The following PTK2 variants were observed in gnomAD, a reference collection of about 807,000 sequenced individuals.
PTK2 encodes the protein focal adhesion kinase 1.
In PTK2, 45 loss-of-function variants were observed where a neutral mutation model predicts 150.1. That is an observed-to-expected ratio of 0.30 (90% CI 0.24 to 0.38). PTK2 has a LOEUF of 0.38. Among genes scored for constraint, PTK2 ranks in the 10% least tolerant of loss-of-function variants. PTK2 has a pLI of 1.00. For synonymous variants in PTK2, 432 were observed against 449.2 expected, an observed-to-expected ratio of 0.96 and a Z score of 0.48; for missense variants, 919 against 1,307.3, an observed-to-expected ratio of 0.70 and a Z score of 4.58.
chr8:140,922,241 C>T (rs1412894905), intron 2 of PTK2, among the ~76,000 whole-genome samples: 1 of 152,074 alleles, frequency 6.6e-6, no homozygotes, highest in Non-Finnish European at 1.5e-5. Context: ...GGTTTACTTT[C>T]AGGCTCCTAA....
At chr8:140,978,314 G>C (rs1343654192) in intron 1 of PTK2, among the ~76,000 whole-genome samples, 6 of 146,758 alleles carry the variant, frequency 4.1e-5, no homozygotes, top group Admixed American at 1.4e-4. Flanking sequence ...TCATCAGAGT[G>C]AACAGGCAAC....
chr8:140,789,156 T>C (rs2100086806), intron 14 of PTK2, among the ~76,000 whole-genome samples: 1 of 152,164 alleles, frequency 6.6e-6, no homozygotes, highest in African/African-American at 2.4e-5. Flanking sequence ...TTCTACTGAA[T>C]TGCAAGATAA....
intron 14 of PTK2, among the ~76,000 whole-genome samples, chr8:140,788,681 C>T (rs1420241877): frequency 2.0e-5 from 3 of 151,894 alleles, no homozygotes; most frequent in Non-Finnish European, 4.4e-5. Flanking sequence ...GAGACTCTGT[C>T]TCAAAAAAAA....
chr8:140,873,700 A>C (rs28471038), intron 4 of PTK2, among the ~76,000 whole-genome samples: 1 of 152,094 alleles, frequency 6.6e-6, no homozygotes, highest in South Asian at 2.1e-4. Flanking sequence ...TCTTGACCTC[A>C]GGTGATTCGC....
At chr8:140,782,321 T>C (rs1322612925) in intron 14 of PTK2, among the ~76,000 whole-genome samples, 5 of 150,784 alleles carry the variant, frequency 3.3e-5, no homozygotes, top group Admixed American at 6.6e-5. Flanking sequence ...CTCAGCTCAC[T>C]GCAACCTCCA....
At chr8:140,916,485 C>A (rs574986736) in intron 2 of PTK2, among the ~76,000 whole-genome samples, 3 of 152,342 alleles carry the variant, frequency 2.0e-5, no homozygotes, top group African/African-American at 7.2e-5. Flanking sequence ...TCCCATATTT[C>A]CTTCAGGTCT....
At chr8:140,893,096 G>A (rs2100154766) in intron 2 of PTK2, among the ~76,000 whole-genome samples, 1 of 152,194 alleles carries the variant, frequency 6.6e-6, no homozygotes, top group South Asian at 2.1e-4. Flanking sequence ...GGGAGACTGA[G>A]GCAGGAGGAC....
chr8:140,701,407 T>C lies in PTK2; in HGVS notation c.2368-385A>G, dbSNP rs1327927525. Among the ~76,000 whole-genome samples the C allele has an allele frequency of 3.3e-5, 5 of 152,190 alleles. No individual in the cohort carries two copies. The East Asian group carries it at 7.7e-4, about 23-fold the overall frequency. On this transcript the variant is annotated intron_variant, in intron 25 of 31. Transcript: ENST00000522684. ...AAAGAACATAAATAGCAGACAACTATAGATGCTCTTTCATTCAAATAAGTA... is the reference window on the plus strand; with the variant it reads ...AAAGAACATAAATAGCAGACAACTACAGATGCTCTTTCATTCAAATAAGTA...
intron 1 of PTK2, among the ~76,000 whole-genome samples, chr8:141,000,125 A>ACACACACACACC: frequency 7.0e-6 from 1 of 141,894 alleles, no homozygotes; most frequent in South Asian, 2.2e-4. Flanking sequence ...ACACACACAC[A>ACACACACACACC]CCCCTTCTTC....
chr8:140,692,835 A>T (rs1489246727), intron 26 of PTK2, among the ~76,000 whole-genome samples: 3 of 152,214 alleles, frequency 2.0e-5, no homozygotes, highest in Non-Finnish European at 4.4e-5. Flanking sequence ...AAGCAGGGAC[A>T]GCAGCCTGGC....
chr8:140,764,489 T>C, intron 14 of PTK2, 199 bp from the exon 17 acceptor site: 1 of 556,388 alleles, frequency 1.8e-6, no homozygotes, highest in Non-Finnish European at 3.2e-6. Context: ...TACGTTATAA[T>C]ACACAGACTT....
At chr8:140,773,487 G>C (rs890471358) in intron 14 of PTK2, among the ~76,000 whole-genome samples, 1 of 152,198 alleles carries the variant, frequency 6.6e-6, no homozygotes, top group African/African-American at 2.4e-5. Context: ...ATTATGGAGG[G>C]AGTCATCTGC....
intron 1 of PTK2, among the ~76,000 whole-genome samples, chr8:140,950,669 G>A (rs945875536): frequency 5.3e-5 from 8 of 152,254 alleles, no homozygotes; most frequent in African/African-American, 1.4e-4. Flanking sequence ...ACCAGCCACC[G>A]TGATTTCTGG....
chr8:140,781,403 A>C (rs1263710819), intron 14 of PTK2, among the ~76,000 whole-genome samples: 1 of 152,188 alleles, frequency 6.6e-6, no homozygotes, highest in African/African-American at 2.4e-5. Flanking sequence ...ACTGTGAAGC[A>C]TTTATTTTAT....
chr8:140,957,688 A>C (rs575029212), intron 1 of PTK2, among the ~76,000 whole-genome samples: 1 of 152,096 alleles, frequency 6.6e-6, no homozygotes, highest in Non-Finnish European at 1.5e-5. Context: ...CTTTTATATC[A>C]TATTCTTATT....
chr8:140,941,610 C>T (rs2100175793), intron 1 of PTK2, among the ~76,000 whole-genome samples: 1 of 152,162 alleles, frequency 6.6e-6, no homozygotes, highest in Non-Finnish European at 1.5e-5. Flanking sequence ...CTCCTACTCA[C>T]TGTTGTGGCT....
intron 14 of PTK2, among the ~76,000 whole-genome samples, chr8:140,774,737 C>T (rs762689865): frequency 6.2e-4 from 94 of 152,294 alleles, no homozygotes; most frequent in African/African-American, 2.2e-3. Flanking sequence ...CCCACCAAAA[C>T]CAAGATGGTG....
chr8:140,835,306 A>G (rs1445758888), intron 7 of PTK2, among the ~76,000 whole-genome samples: 1 of 152,244 alleles, frequency 6.6e-6, no homozygotes, highest in South Asian at 2.1e-4. Flanking sequence ...AATATTTCTG[A>G]GAAGATTCTT....
rs74696598 is a variant in PTK2 at position 140,709,863 on chromosome 8, C to T, written c.2143-3658G>A. ...GGTATTCTAAACCAGAGGTCCTCAA[C>T]TGGATGGCACTGTTCCTTCAGAAGC... On this transcript the variant is annotated intron_variant, in intron 23 of 31. Transcript: ENST00000522684. Among the ~76,000 whole-genome samples, 1,417 of 152,286 alleles carry T rather than the reference C, an allele frequency of 9.3e-3. 21 individuals carry two copies. Among genetic ancestry groups the T allele is most frequent in the Non-Finnish European group, 9.8e-3 (665 of 68,032 alleles).
Sources: allele counts gnomAD v4.1 joint callset (sites outside exome capture counted in the v4.1 genomes callset), GRCh38; gene constraint gnomAD v4.1.1; transcripts MANE v1.5; gene names NCBI Gene and HGNC (gene_info 2026-07-23, HGNC 2026-07-21).